Variants in TAFA5 observed in about 807,000 individuals in gnomAD.
The protein encoded by TAFA5 is chemokine-like protein TAFA-5.
Under a neutral mutation model 15.3 loss-of-function variants are expected in TAFA5, and 6 were observed. The observed-to-expected ratio is 0.39, with a 90% confidence interval of 0.21 to 0.77. The LOEUF (loss-of-function observed/expected upper bound fraction) is 0.77, where lower values mean the gene tolerates loss of function less well. Ranked by LOEUF, TAFA5 falls within the 30% of genes least tolerant of loss-of-function variation. TAFA5 has a pLI of 0.41. For synonymous variants in TAFA5, 103 were observed against 80.7 expected (o/e 1.28, Z -1.48); for missense variants, 161 against 193.1 (o/e 0.83, Z 0.98).
chr22:48,547,994 C>T (rs1254044262), intron 1 of TAFA5, among the ~76,000 whole-genome samples: 3 of 152,216 alleles, frequency 2.0e-5, no homozygotes, highest in Non-Finnish European at 4.4e-5. Context: ...CCAGTCCTGC[C>T]CTGTTGTGTG....
At chr22:48,538,215 G>T (rs900439048) in intron 1 of TAFA5, among the ~76,000 whole-genome samples, 2 of 152,050 alleles carry the variant, frequency 1.3e-5, no homozygotes, top group East Asian at 1.9e-4. Flanking sequence ...GCGCTCTACC[G>T]AAAGTCGCTG....
intron 1 of TAFA5, among the ~76,000 whole-genome samples, chr22:48,554,876 A>G (rs133466): frequency 0.78 from 118,891 of 152,138 alleles, 46,522 homozygotes; most frequent in South Asian, 0.83. Context: ...TGGGACACTC[A>G]TGGTCAGGTG....
intron 3 of TAFA5, among the ~76,000 whole-genome samples, chr22:48,736,759 A>G (rs552209617): frequency 6.6e-6 from 1 of 152,190 alleles, no homozygotes; most frequent in Admixed American, 6.5e-5. Flanking sequence ...GTTGGAGCCC[A>G]GTGATGTGAA....
At chr22:48,704,316 G>A (rs1011261825) in intron 2 of TAFA5, among the ~76,000 whole-genome samples, 3 of 152,082 alleles carry the variant, frequency 2.0e-5, no homozygotes, top group Admixed American at 6.5e-5. Context: ...TAGCTTCCTC[G>A]TGGGTTTAAG....
At chr22:48,749,222 G>A (rs1930411968) in intron 3 of TAFA5, among the ~76,000 whole-genome samples, 2 of 152,188 alleles carry the variant, frequency 1.3e-5, no homozygotes, top group Admixed American at 1.3e-4. Flanking sequence ...CCTCCAGCAG[G>A]AACAGGCCCT....
chr22:48,721,530 G>A (rs1449738931), intron 3 of TAFA5, among the ~76,000 whole-genome samples: 1 of 152,072 alleles, frequency 6.6e-6, no homozygotes, highest in Non-Finnish European at 1.5e-5. Context: ...CCTATTGGTT[G>A]GCAGAAGGTG....
At chr22:48,702,860 G>A (rs971626794) in intron 2 of TAFA5, among the ~76,000 whole-genome samples, 3 of 152,250 alleles carry the variant, frequency 2.0e-5, no homozygotes, top group Admixed American at 2.0e-4. Flanking sequence ...AGCAGGAAGT[G>A]GGCTGGGGTG....
Position 48,636,268 on chromosome 22 carries a change from G to A in TAFA5, c.113-10329G>A, listed in dbSNP as rs373374243. Among the ~76,000 whole-genome samples, 8 of 152,342 alleles carry A rather than the reference G, an allele frequency of 5.3e-5. No homozygotes were observed. The East Asian group carries it at 1.2e-3, about 22-fold the overall frequency. ...ATGTGAGTGAGGGCAGCCTGGGCCC[G>A]ACGCTGGCTGTTCCGTGGGGGAACC... On this transcript the variant is annotated intron_variant, in intron 1 of 3. Coordinates refer to ENST00000402357, the MANE Select transcript of TAFA5 (RefSeq NM_001082967.3).
At chr22:48,540,467 C>A (rs1395098357) in intron 1 of TAFA5, among the ~76,000 whole-genome samples, 1 of 152,182 alleles carries the variant, frequency 6.6e-6, no homozygotes, top group African/African-American at 2.4e-5. Context: ...CTGCTCCAGT[C>A]CCTGGTCCCC....
intron 1 of TAFA5, among the ~76,000 whole-genome samples, chr22:48,645,951 T>C (rs1291769963): frequency 6.7e-6 from 1 of 150,354 alleles, no homozygotes; most frequent in East Asian, 2.0e-4. Flanking sequence ...CACACGTACA[T>C]GCACATATGT....
At chr22:48,563,980 A>C (rs1303605651) in intron 1 of TAFA5, among the ~76,000 whole-genome samples, 1 of 145,878 alleles carries the variant, frequency 6.9e-6, no homozygotes, top group East Asian at 1.9e-4. Flanking sequence ...TTCTCTGTAC[A>C]AAGAGTGCAT....
intron 1 of TAFA5, among the ~76,000 whole-genome samples, chr22:48,638,848 C>G (rs113874357): frequency 1.1e-3 from 73 of 68,118 alleles, no homozygotes; most frequent in East Asian, 2.3e-3. Context: ...CGCACACAGG[C>G]GGGACCCCGA....
At chr22:48,697,135 A>C (rs1380726115) in intron 2 of TAFA5, among the ~76,000 whole-genome samples, 1 of 152,240 alleles carries the variant, frequency 6.6e-6, no homozygotes, top group Non-Finnish European at 1.5e-5. Context: ...TGGACTGGAA[A>C]GAAGACAGGC....
intron 1 of TAFA5, among the ~76,000 whole-genome samples, chr22:48,586,397 T>C (rs1924362641): frequency 1.3e-5 from 2 of 152,360 alleles, no homozygotes; most frequent in Admixed American, 6.5e-5. Flanking sequence ...ACCTGCAGCA[T>C]GATACCAGGC....
At chr22:48,681,655 A>C (rs1250757722) in intron 2 of TAFA5, among the ~76,000 whole-genome samples, 1 of 150,832 alleles carries the variant, frequency 6.6e-6, no homozygotes, top group East Asian at 1.9e-4. Flanking sequence ...CATCTCCAAA[A>C]AAAAAAAAAA....
At chr22:48,745,445 C>A (rs1930301675) in intron 3 of TAFA5, among the ~76,000 whole-genome samples, 1 of 150,258 alleles carries the variant, frequency 6.7e-6, no homozygotes, top group South Asian at 2.1e-4. Context: ...CCGGGGTTCA[C>A]CCTGAGCATG....
intron 1 of TAFA5, among the ~76,000 whole-genome samples, chr22:48,616,749 G>A (rs554992403): frequency 6.6e-6 from 1 of 152,238 alleles, no homozygotes; most frequent in African/African-American, 2.4e-5. Flanking sequence ...GGTCAGCAGC[G>A]AGATGGTGGG....
intron 1 of TAFA5, among the ~76,000 whole-genome samples, chr22:48,636,546 G>GTTC: frequency 3.3e-5 from 5 of 152,270 alleles, no homozygotes; most frequent in African/African-American, 9.6e-5. Flanking sequence ...TACCTGTGTG[G>GTTC]GTCGCTCCGA....
chr22:48,719,739 C>T (rs566107281), intron 3 of TAFA5, among the ~76,000 whole-genome samples: 2 of 152,376 alleles, frequency 1.3e-5, no homozygotes, highest in Admixed American at 1.3e-4. Context: ...ACTCTGCTCC[C>T]TGTCTGCAAT....
Sources: gnomAD v4.1 joint callset for allele counts (sites outside exome capture counted in the v4.1 genomes callset) on GRCh38, gnomAD v4.1.1 for gene constraint, MANE v1.5 for transcripts, NCBI Gene and HGNC (gene_info 2026-07-23, HGNC 2026-07-21) for gene names.